Variants in SCTR observed in about 807,000 individuals in gnomAD.
SCTR encodes pancreatic secretin receptor.
Under a neutral mutation model 60.8 loss-of-function variants are expected in SCTR, and 56 were observed. That is an observed-to-expected ratio of 0.92 (90% confidence interval 0.74 to 1.15). SCTR has a LOEUF of 1.15. Among genes scored for constraint, SCTR ranks in the 50% most tolerant of loss-of-function variants. SCTR has a pLI of 0.00. For missense variants in SCTR, 562 were observed against 550.4 expected, an observed-to-expected ratio of 1.02 and a Z score of -0.21; for synonymous variants, 202 against 217.0, an observed-to-expected ratio of 0.93 and a Z score of 0.61.
intron 7 of SCTR, among the ~76,000 whole-genome samples, chr2:119,455,911 T>C (rs1222359501): frequency 6.6e-6 from 1 of 152,078 alleles, no homozygotes; most frequent in Non-Finnish European, 1.5e-5. Flanking sequence ...TCACAGCACA[T>C]CCCTGTGACA....
At chr2:119,478,142 G>A (rs902157741) in intron 3 of SCTR, among the ~76,000 whole-genome samples, 1 of 152,208 alleles carries the variant, frequency 6.6e-6, no homozygotes, top group African/African-American at 2.4e-5. Flanking sequence ...GGAAAGAGGG[G>A]CAGCTGCACA....
chr2:119,488,015 C>A (rs1677952169), intron 2 of SCTR, among the ~76,000 whole-genome samples: 1 of 152,110 alleles, frequency 6.6e-6, no homozygotes, highest in South Asian at 2.1e-4. Context: ...GGGATTTTTC[C>A]TCAGACATCA....
Position 119,524,427 on chromosome 2 carries a change from C to A in SCTR, c.-201G>T. Reference sequence around the variant, plus strand: ...AGGTGGCCGCGCGCGCTAAGCCGCCCGCCCCATTGATCAGGACGCGGCTTT... The same window carrying A: ...AGGTGGCCGCGCGCGCTAAGCCGCCAGCCCCATTGATCAGGACGCGGCTTT... On this transcript the variant is annotated 5_prime_UTR_variant, in exon 1 of 13. Transcript: ENST00000019103. 1 of 380,226 alleles carries A rather than the reference C, an allele frequency of 2.6e-6. No individual in the cohort carries two copies. 23.6% of individuals were successfully genotyped at this position (380,226 alleles called of 1,614,324 possible). A position where few individuals can be genotyped will look rare whatever the true frequency, so the allele number is the denominator to read the frequency against.
At chr2:119,511,821 C>T (rs1457321118) in intron 1 of SCTR, among the ~76,000 whole-genome samples, 2 of 152,110 alleles carry the variant, frequency 1.3e-5, no homozygotes, top group Non-Finnish European at 2.9e-5. Flanking sequence ...TGAATCTTTG[C>T]AGAAGTGAAA....
intron 2 of SCTR, among the ~76,000 whole-genome samples, chr2:119,487,667 G>C (rs1189934070): frequency 5.3e-5 from 8 of 152,200 alleles, no homozygotes; most frequent in Non-Finnish European, 1.2e-4. Flanking sequence ...AGCCCTGTGG[G>C]GCAGGCCGTG....
chr2:119,510,583 A>G (rs1296385920), intron 1 of SCTR, among the ~76,000 whole-genome samples: 1 of 152,216 alleles, frequency 6.6e-6, no homozygotes, highest in Non-Finnish European at 1.5e-5. Context: ...ATATGTACAC[A>G]TATTGTATAT....
intron 10 of SCTR, among the ~76,000 whole-genome samples, chr2:119,447,760 C>T (rs575989181): frequency 1.3e-5 from 2 of 152,270 alleles, no homozygotes; most frequent in South Asian, 4.1e-4. Context: ...TTAGCAAAGA[C>T]GAGGTTTCAC....
At chr2:119,472,053 ACT>A (rs1459330301) in intron 4 of SCTR, among the ~76,000 whole-genome samples, 1 of 151,898 alleles carries the variant, frequency 6.6e-6, no homozygotes, top group African/African-American at 2.4e-5. Flanking sequence ...AATGAACAAG[ACT>A]CTCTGATTTG....
chr2:119,515,903 A>G (rs1296733683), intron 1 of SCTR, among the ~76,000 whole-genome samples: 1 of 152,206 alleles, frequency 6.6e-6, no homozygotes, highest in Non-Finnish European at 1.5e-5. Context: ...AACTGCATGG[A>G]TGACCCTTGG....
intron 1 of SCTR, among the ~76,000 whole-genome samples, chr2:119,503,341 A>G (rs565678035): frequency 6.6e-6 from 1 of 152,166 alleles, no homozygotes; most frequent in East Asian, 1.9e-4. Flanking sequence ...CTGAGGCAAG[A>G]GGCTTGCTTG....
At chr2:119,441,518 G>A (rs1242034779) in intron 12 of SCTR, 40 bp downstream of exon 12, 4 of 1,557,316 alleles carry the variant, frequency 2.6e-6, no homozygotes, top group Non-Finnish European at 3.5e-6. Flanking sequence ...CCAATGGCTA[G>A]GAGCTCTCCT....
chr2:119,510,221 G>A (rs762333101), intron 1 of SCTR, among the ~76,000 whole-genome samples: 3 of 149,304 alleles, frequency 2.0e-5, no homozygotes, highest in Non-Finnish European at 4.4e-5. Context: ...ACTTATGGTT[G>A]TGAAGTGGAG....
intron 11 of SCTR, 26 bp from the exon 12 acceptor site, chr2:119,441,625 GT>G: frequency 1.9e-6 from 3 of 1,609,812 alleles, no homozygotes; most frequent in Non-Finnish European, 2.5e-6. Context: ...AGGTAGCAGG[GT>G]TAGCACAGGT....
At chr2:119,452,393 G>A (rs1394191344) in intron 8 of SCTR, among the ~76,000 whole-genome samples, 1 of 152,204 alleles carries the variant, frequency 6.6e-6, no homozygotes, top group Non-Finnish European at 1.5e-5. Flanking sequence ...CAGAAGCCAG[G>A]AAGATGACAT....
chr2:119,481,960 A>G (rs141459998), intron 2 of SCTR, among the ~76,000 whole-genome samples: 2,701 of 152,238 alleles, frequency 0.018, 42 homozygotes, highest in Middle Eastern at 0.051. Flanking sequence ...GAGCTCCTGT[A>G]ATCCCATGGC....
In SCTR at chr2:119,479,311, G is replaced by A. The variant is rs913957507; in HGVS notation, c.194-393C>T. ...GGTCTCCCTTCTAGCTTCATGGTAC[G>A]ACTACCTGGGGAGCTTTAGAAATAG... On this transcript the variant is annotated intron_variant, in intron 2 of 12. Transcript: ENST00000019103. The A allele has an allele frequency of 1.3e-5, 13 of 994,038 alleles. No individual in the cohort carries two copies. The East Asian group carries it at 6.4e-4, about 49-fold the overall frequency. The allele number at this position is 994,038 out of a possible 1,614,324, so 61.6% of individuals were successfully genotyped here.
chr2:119,477,265 C>T (rs1677368280), intron 3 of SCTR, among the ~76,000 whole-genome samples: 1 of 152,118 alleles, frequency 6.6e-6, no homozygotes, highest in South Asian at 2.1e-4. Context: ...GGGATCCTTC[C>T]CAGGCCCGCC....
At chr2:119,499,288 A>T (rs1678453303) in intron 1 of SCTR, among the ~76,000 whole-genome samples, 1 of 152,088 alleles carries the variant, frequency 6.6e-6, no homozygotes, top group Non-Finnish European at 1.5e-5. Context: ...TGGAGACTAC[A>T]CACTCTTCTC....
At chr2:119,488,798 A>G (rs978869895) in intron 2 of SCTR, among the ~76,000 whole-genome samples, 5 of 152,158 alleles carry the variant, frequency 3.3e-5, no homozygotes, top group Non-Finnish European at 7.4e-5. Flanking sequence ...ATTCTCCACA[A>G]CAGCGTCATG....
Sources: gnomAD v4.1 joint callset for allele counts (sites outside exome capture counted in the v4.1 genomes callset) on GRCh38, gnomAD v4.1.1 for gene constraint, MANE v1.5 for transcripts, NCBI Gene and HGNC (gene_info 2026-07-23, HGNC 2026-07-21) for gene names.